CRPPA: variants seen among roughly 807,000 people sequenced by gnomAD.
The protein encoded by CRPPA is D-ribitol-5-phosphate cytidylyltransferase.
CRPPA carries 43 observed loss-of-function variants against 52.0 expected under a neutral mutation model. The ratio of observed to expected loss-of-function variants is 0.83; its 90% confidence interval spans 0.65 to 1.07. The LOEUF is 1.07. Among genes scored for constraint, CRPPA ranks in the 50% least tolerant of loss-of-function variants. CRPPA has a pLI of 0.00. For missense variants in CRPPA, 629 were observed against 551.7 expected (o/e 1.14, Z -1.40); for synonymous variants, 250 against 203.5 (o/e 1.23, Z -1.94).
intron 1 of CRPPA, among the ~76,000 whole-genome samples, chr7:16,419,347 ACCATTAAG>A (rs1788272839): frequency 6.6e-6 from 1 of 152,232 alleles, no homozygotes; most frequent in Admixed American, 6.5e-5. Flanking sequence ...CTTGCTTCTA[ACCATTAAG>A]CTCATTCCTT....
intron 3 of CRPPA, among the ~76,000 whole-genome samples, chr7:16,368,127 TA>T (rs1300025472): frequency 7.2e-5 from 11 of 152,194 alleles, no homozygotes; most frequent in Non-Finnish European, 1.2e-4. Flanking sequence ...AAATGAATTT[TA>T]AAAAGCTTCT....
intron 9 of CRPPA, among the ~76,000 whole-genome samples, chr7:16,112,343 C>T (rs547204132): frequency 6.6e-6 from 1 of 151,814 alleles, no homozygotes; most frequent in Admixed American, 6.6e-5. Flanking sequence ...AGTCAATTTA[C>T]TTAAACCTTT....
At chr7:16,164,366 T>C (rs1781001189) in intron 9 of CRPPA, among the ~76,000 whole-genome samples, 1 of 152,194 alleles carries the variant, frequency 6.6e-6, no homozygotes, top group Non-Finnish European at 1.5e-5. Context: ...CATCAGGTCA[T>C]TTATGTTCTT....
At chr7:16,336,558 CAA>C (rs36099524) in intron 3 of CRPPA, among the ~76,000 whole-genome samples, 67,011 of 135,572 alleles carry the variant, frequency 0.49, 15,597 homozygotes, top group African/African-American at 0.57. Flanking sequence ...AGGAAAAGAG[CAA>C]AAAAAAAAAA....
At chr7:16,177,186 G>T (rs563571822) in intron 9 of CRPPA, among the ~76,000 whole-genome samples, 1 of 152,048 alleles carries the variant, frequency 6.6e-6, no homozygotes, top group Admixed American at 6.6e-5. Context: ...CATGATGACA[G>T]AATTTTTGTA....
chr7:16,222,269 G>C (rs1782531122), intron 8 of CRPPA, among the ~76,000 whole-genome samples: 1 of 135,936 alleles, frequency 7.4e-6, no homozygotes, highest in African/African-American at 2.8e-5. Flanking sequence ...ACAGGAAGGG[G>C]AATATCACAC....
rs535047172 is a variant in CRPPA at position 16,336,762 on chromosome 7, G to C, written c.685-28135C>G. ...TAAATGAGATTCACTTTACTGTTAA[G>C]AACACAGACCGAAAATGAAAGGATG... On this transcript the variant is annotated intron_variant, in intron 3 of 9. Transcript: ENST00000407010. 5.9e-5 allele frequency among the ~76,000 whole-genome samples: 9 copies of C among 151,964 alleles called. No individual in the cohort carries two copies. In the South Asian group the frequency reaches 1.9e-3, roughly 31 times the overall value.
chr7:16,175,865 G>T (rs746280525), intron 9 of CRPPA, among the ~76,000 whole-genome samples: 5 of 152,104 alleles, frequency 3.3e-5, no homozygotes, highest in Non-Finnish European at 7.4e-5. Context: ...GGATCTCTGA[G>T]CTTTTATCTG....
chr7:16,256,543 GA>G (rs2128411788), intron 8 of CRPPA, among the ~76,000 whole-genome samples: 1 of 152,262 alleles, frequency 6.6e-6, no homozygotes, highest in Admixed American at 6.5e-5. Flanking sequence ...ACTGGATAAA[GA>G]AAATATGGCA....
intron 9 of CRPPA, among the ~76,000 whole-genome samples, chr7:16,199,498 C>A (rs1196111770): frequency 3.3e-5 from 5 of 152,130 alleles, no homozygotes; most frequent in South Asian, 2.1e-4. Context: ...GCTTTTCACA[C>A]ACTATTTAGA....
rs912306940 is a variant in CRPPA, at chr7:16,408,108, TAA to T, written c.258-1773_258-1772del. Reference sequence around the variant, plus strand: ...GGGCGACAGAGCAGGACTCTGTCTTTAAAAAAAAAAAAATAAAAAAATAACTT... The same window carrying T: ...GGGCGACAGAGCAGGACTCTGTCTTTAAAAAAAAAAATAAAAAAATAACTT... On this transcript the variant is annotated intron_variant, in intron 1 of 9. Transcript: ENST00000407010. Among the ~76,000 whole-genome samples, 8 of 138,590 alleles carry T rather than the reference TAA, an allele frequency of 5.8e-5. No individual in the cohort carries two copies. In the South Asian group the frequency reaches 7.1e-4, roughly 12 times the overall value. The allele number at this position is 138,590 out of a possible 152,430, so 90.9% of individuals were successfully genotyped here.
chr7:16,225,962 G>GA (rs1025561079), intron 8 of CRPPA, among the ~76,000 whole-genome samples: 11 of 150,704 alleles, frequency 7.3e-5, no homozygotes, highest in Admixed American at 3.3e-4. Flanking sequence ...AGAATACACA[G>GA]AAAAAAAAAT....
intron 3 of CRPPA, among the ~76,000 whole-genome samples, chr7:16,338,843 T>C (rs1270224290): frequency 1.4e-5 from 2 of 139,704 alleles, no homozygotes; most frequent in African/African-American, 5.5e-5. Context: ...TGAGACAGAG[T>C]GCTGCTCTGT....
intron 3 of CRPPA, among the ~76,000 whole-genome samples, chr7:16,338,268 A>G (rs955975027): frequency 3.9e-4 from 60 of 152,348 alleles, no homozygotes; most frequent in Admixed American, 3.9e-3. Context: ...AATATACTAC[A>G]TTAACAAAAT....
chr7:16,286,038 A>AAAATATAT (rs1784426837), intron 5 of CRPPA, among the ~76,000 whole-genome samples: 1 of 17,496 alleles, frequency 5.7e-5, no homozygotes, highest in Non-Finnish European at 9.5e-5. Context: ...AAAAAAAAAA[A>AAAATATAT]ATATAAATAT....
chr7:16,233,833 T>A (rs1389294961), intron 8 of CRPPA, among the ~76,000 whole-genome samples: 1 of 152,170 alleles, frequency 6.6e-6, no homozygotes, highest in Non-Finnish European at 1.5e-5. Flanking sequence ...GTTGACATAC[T>A]GTAATATTAG....
At chr7:16,348,035 C>T (rs760761811) in intron 3 of CRPPA, among the ~76,000 whole-genome samples, 25 of 152,112 alleles carry the variant, frequency 1.6e-4, no homozygotes, top group East Asian at 3.9e-4. Flanking sequence ...AGGAGATTTA[C>T]GACACATTCT....
intron 9 of CRPPA, among the ~76,000 whole-genome samples, chr7:16,177,994 T>C (rs989615508): frequency 8.6e-5 from 13 of 151,388 alleles, no homozygotes; most frequent in South Asian, 6.2e-4. Context: ...AGGAAGAAGA[T>C]AGCTTCAATA....
Position 16,421,191 on chromosome 7 carries a change from CG to C in CRPPA, c.131del (p.Pro44ArgfsTer47). On this transcript the variant is annotated frameshift_variant, in exon 1 of 10. Transcript: ENST00000407010. LOFTEE classifies it high-confidence loss of function. ...CAGGCAACACAGCTGCCACGGCTTGCGGGTGGCGCCCGGGCTCGGTCCCGGC... is the reference window on the plus strand; with the variant it reads ...CAGGCAACACAGCTGCCACGGCTTGCGGTGGCGCCCGGGCTCGGTCCCGGC... ...SVAGTEPGRH[P>X]QAVAAVLPAG... 7.5e-7 allele frequency: 1 copy of C among 1,341,412 alleles called. No individual in the cohort carries two copies. Among genetic ancestry groups the C allele is most frequent in the Non-Finnish European group, 9.6e-7 (1 of 1,040,706 alleles). The allele number at this position is 1,341,412 out of a possible 1,614,324, so 83.1% of individuals were successfully genotyped here.
Sources: allele counts gnomAD v4.1 joint callset (sites outside exome capture counted in the v4.1 genomes callset), GRCh38; gene constraint gnomAD v4.1.1; transcripts MANE v1.5; gene names NCBI Gene and HGNC (gene_info 2026-07-23, HGNC 2026-07-21).